RIF1: variants seen among roughly 807,000 people sequenced by gnomAD.
RIF1 encodes telomere-associated protein RIF1.
Under a neutral mutation model 247.1 loss-of-function variants are expected in RIF1, and 45 were observed. The ratio of observed to expected loss-of-function variants is 0.18; its 90% CI spans 0.14 to 0.23. The LOEUF is 0.23. Ranked by LOEUF, RIF1 falls within the 10% of genes least tolerant of loss-of-function variation. The probability of loss-of-function intolerance (pLI) is 1.00; values close to 1 mark genes in which losing one functional copy is unlikely to be tolerated. For missense variants in RIF1, 2,967 were observed against 2,862.5 expected (o/e 1.04, Z -0.83); for synonymous variants, 1,087 against 978.8 (o/e 1.11, Z -2.06).
chr2:151,465,464 G>A lies in RIF1; in HGVS notation c.5944G>A (p.Val1982Ile). The A allele has an allele frequency of 1.2e-6, 2 of 1,614,062 alleles. No homozygotes were observed. The highest frequency in any genetic ancestry group is 2.2e-5 in the East Asian group (1 of 44,876). The change falls in exon 30 of 36, where the codon GTA becomes ATA. Residue 1982 changes from valine (V) to isoleucine (I), a missense_variant. This residue lies in a region of RIF1 where 2,028 missense variants were observed against 1,825.6 expected (regional missense o/e 1.11). Coordinates refer to ENST00000444746, the MANE Select transcript of RIF1 (RefSeq NM_018151.5). ...DISLSDNTTP[V>I]KLNAQTEISE... ...TAGTCTTTCTGATAATACTACACCT[G>A]TAAAATTGAATGCTCAAACTGAGAT...
At chr2:151,510,233 C>T (rs2073049370), downstream of RIF1, among the ~76,000 whole-genome samples, 1 of 152,012 alleles carries the variant, frequency 6.6e-6, no homozygotes, top group African/African-American at 2.4e-5. Flanking sequence ...TTTGTGGAGG[C>T]CTGGGGAGTT....
Position 151,409,950 on chromosome 2 carries a change from A to T in RIF1, c.-94A>T, listed in dbSNP as rs1458944652. 10 of 701,484 alleles carry T rather than the reference A, an allele frequency of 1.4e-5. No homozygotes were observed. Among genetic ancestry groups the T allele is most frequent in the Non-Finnish European group, 2.3e-5 (9 of 384,540 alleles). The allele number at this position is 701,484 out of a possible 1,614,324, so 43.5% of individuals were successfully genotyped here. ...GAGCGCGCCGCACGCGTGAGTAAAC[A>T]GCCGGAGCTGGGAAAGTCGAGCTCT... On this transcript the variant is annotated 5_prime_UTR_variant, in exon 1 of 36. Coordinates refer to ENST00000444746, the MANE Select transcript of RIF1 (RefSeq NM_018151.5).
chr2:151,462,474 T>C lies in RIF1; in HGVS notation c.3363+8T>C. 1 of 1,544,862 alleles carries C rather than the reference T, an allele frequency of 6.5e-7. No homozygotes were observed. On this transcript the variant is annotated splice_region_variant and intron_variant, in intron 29 of 35. Transcript: ENST00000444746. ...TCTAAGATGATGATTACGGTATGTT[T>C]GACATTTCATATTTTGGGCTTTTTA...
At chr2:151,426,223 G>A (rs141499481) in intron 8 of RIF1, among the ~76,000 whole-genome samples, 4,833 of 128,604 alleles carry the variant, frequency 0.038, 132 homozygotes, top group Non-Finnish European at 0.057. Flanking sequence ...CGCCCAGGCT[G>A]GAGTGCAGTG....
chr2:151,526,480 TTA>T, the RIF1 span, among the ~76,000 whole-genome samples: 1 of 152,188 alleles, frequency 6.6e-6, no homozygotes, highest in Non-Finnish European at 1.5e-5. Flanking sequence ...TGATGAATCT[TTA>T]TATAGTCACA....
Position 151,458,930 on chromosome 2 carries a change from T to C in RIF1, c.2955+20T>C, listed in dbSNP as rs202137375. The stretch of plus-strand genomic sequence containing the variant: ...GATGGAGTAAGTTGGGGGGTTTTAT[T>C]GTTCATTTGTTTTTGGACATTTAAG... On this transcript the variant is annotated intron_variant, in intron 25 of 35. Coordinates refer to ENST00000444746, the MANE Select transcript of RIF1 (RefSeq NM_018151.5). 7.1e-7 allele frequency: 1 copy of C among 1,408,470 alleles called. No homozygotes were observed. The highest frequency in any genetic ancestry group is 9.9e-7 in the Non-Finnish European group (1 of 1,008,242). The allele number at this position is 1,408,470 out of a possible 1,614,324, so 87.2% of individuals were successfully genotyped here.
chr2:151,446,956 T>C (rs1037068645), intron 20 of RIF1, among the ~76,000 whole-genome samples: 10 of 150,782 alleles, frequency 6.6e-5, no homozygotes, highest in African/African-American at 1.2e-4. Context: ...TTTTTTTTTT[T>C]TTTTTGAGAC....
chr2:151,492,797 C>T (rs972769824), intron 9 of RIF1: 6 of 219,988 alleles, frequency 2.7e-5, no homozygotes, highest in Non-Finnish European at 5.4e-5. Flanking sequence ...TCAACATATT[C>T]GATGGTATTT....
intron 35 of RIF1, 92 bp from the exon 36 acceptor site, chr2:151,474,765 A>ACC (rs1274124866): frequency 8.1e-6 from 6 of 739,230 alleles, no homozygotes; most frequent in Non-Finnish European, 1.4e-5. Flanking sequence ...TCAATTTGAA[A>ACC]CCTAGGCACT....
At chr2:151,444,430 C>T (rs986476788) in intron 18 of RIF1, among the ~76,000 whole-genome samples, 1 of 152,190 alleles carries the variant, frequency 6.6e-6, no homozygotes, top group Non-Finnish European at 1.5e-5. Context: ...CTGTTTCAGC[C>T]TCCCAAATGG....
the RIF1 span, among the ~76,000 whole-genome samples, chr2:151,530,255 A>T: frequency 6.6e-6 from 1 of 152,182 alleles, no homozygotes; most frequent in African/African-American, 2.4e-5. Context: ...GTTTTGGTAT[A>T]TGTGGGTTTG....
In RIF1 at chr2:151,446,173, A is replaced by G. The variant is rs181433783; in HGVS notation, c.2095-253A>G. On this transcript the variant is annotated intron_variant, in intron 19 of 35. Coordinates refer to ENST00000444746, the MANE Select transcript of RIF1 (RefSeq NM_018151.5). Reference sequence around the variant, plus strand: ...AGGCATCCGCCACTTCGTCCGGCTGATTTTTTGTATTTTTAGTAGAGATGG... The same window carrying G: ...AGGCATCCGCCACTTCGTCCGGCTGGTTTTTTGTATTTTTAGTAGAGATGG... Among the ~76,000 whole-genome samples the G allele has an allele frequency of 1.8e-3, 266 of 151,852 alleles. 2 individuals are homozygous for G. The highest frequency in any genetic ancestry group is 6.2e-3 in the African/African-American group (255 of 41,408).
intron 30 of RIF1, among the ~76,000 whole-genome samples, chr2:151,467,096 G>A (rs1208085166): frequency 6.6e-6 from 1 of 152,094 alleles, no homozygotes. Context: ...GGGCCTGGTG[G>A]CGCACACCTG....
intron 22 of RIF1, among the ~76,000 whole-genome samples, chr2:151,455,496 T>C (rs1695038606): frequency 6.6e-6 from 1 of 152,226 alleles, no homozygotes; most frequent in Non-Finnish European, 1.5e-5. Flanking sequence ...TGGTATGCAC[T>C]TAATACAGTT....
chr2:151,417,658 T>TA (rs1246593934), intron 6 of RIF1, among the ~76,000 whole-genome samples: 4 of 152,196 alleles, frequency 2.6e-5, no homozygotes, highest in African/African-American at 9.6e-5. Context: ...ACTTAGCACT[T>TA]ACATTGTATT....
chr2:151,447,044 C>T (rs866131670), intron 20 of RIF1, among the ~76,000 whole-genome samples: 4 of 150,766 alleles, frequency 2.7e-5, no homozygotes, highest in Non-Finnish European at 4.4e-5. Flanking sequence ...CCCGGGTTCA[C>T]GCCATTCTCC....
rs1327124085 is a variant in RIF1, at chr2:151,501,745, A to AAAG, written c.*710-1287_*710-1285dup. Among the ~76,000 whole-genome samples the AAAG allele has an allele frequency of 1.1e-4, 16 of 152,158 alleles. 1 individual carries two copies. Among genetic ancestry groups the AAAG allele is most frequent in the African/African-American group, 3.9e-4 (16 of 41,416 alleles). On this transcript the variant is annotated intron_variant and NMD_transcript_variant, in intron 11 of 13. Coordinates refer to the RIF1 transcript ENST00000454583. ...GCTTGACTTATGTAGGCCTTCTCTC[A>AAAG]AAGACCAGAGTATCAAATAGCATTC...
At chr2:151,470,452 G>A (rs906288588) in intron 34 of RIF1, among the ~76,000 whole-genome samples, 7 of 151,980 alleles carry the variant, frequency 4.6e-5, no homozygotes, top group Non-Finnish European at 1.0e-4. Context: ...GATTTATTTC[G>A]ATTTTGAGAT....
chr2:151,454,565 A>G (rs926953776), intron 21 of RIF1, among the ~76,000 whole-genome samples: 7 of 152,124 alleles, frequency 4.6e-5, no homozygotes, highest in African/African-American at 1.7e-4. Flanking sequence ...TTTCTTGCAT[A>G]TTAGTTGTTG....
Sources: allele counts gnomAD v4.1 joint callset (sites outside exome capture counted in the v4.1 genomes callset), GRCh38; gene constraint gnomAD v4.1.1; regional missense constraint gnomAD v4.1.1; transcripts MANE v1.5; gene names NCBI Gene and HGNC (gene_info 2026-07-23, HGNC 2026-07-21).